GLDN: variants seen among roughly 807,000 people sequenced by gnomAD.
The protein encoded by GLDN is collomin.
GLDN carries 47 observed loss-of-function variants against 56.5 expected under a neutral mutation model. That is an observed-to-expected ratio of 0.83 (90% CI 0.66 to 1.06). The LOEUF (loss-of-function observed/expected upper bound fraction) is 1.06, where lower values mean the gene tolerates loss of function less well. Ranked by LOEUF, GLDN falls within the 50% of genes least tolerant of loss-of-function variation. The pLI, the probability that GLDN is intolerant of heterozygous loss-of-function variation, is 0.00. For missense variants in GLDN, 782 were observed against 714.3 expected (o/e 1.09, Z -1.08); for synonymous variants, 332 against 278.8 (o/e 1.19, Z -1.90).
At chr15:51,391,505 T>C (rs1365448508) in intron 4 of GLDN, among the ~76,000 whole-genome samples, 1 of 152,220 alleles carries the variant, frequency 6.6e-6, no homozygotes, top group Non-Finnish European at 1.5e-5. Context: ...CAGGCTGGAC[T>C]CTATGGCAAT....
intron 9 of GLDN, among the ~76,000 whole-genome samples, chr15:51,402,602 A>C (rs1368374700): frequency 6.6e-6 from 1 of 152,220 alleles, no homozygotes; most frequent in Non-Finnish European, 1.5e-5. Flanking sequence ...TGAATGCCAC[A>C]GTCCTACTCA....
intron 1 of GLDN, among the ~76,000 whole-genome samples, chr15:51,344,092 A>G (rs1350246572): frequency 6.6e-6 from 1 of 152,168 alleles, no homozygotes; most frequent in Non-Finnish European, 1.5e-5. Flanking sequence ...CGTTTCTACC[A>G]AGCTCCCACT....
At chr15:51,381,765 AGG>A in intron 2 of GLDN, among the ~76,000 whole-genome samples, 1 of 140,418 alleles carries the variant, frequency 7.1e-6, no homozygotes, top group East Asian at 2.1e-4. Context: ...AAGATCCCCT[AGG>A]GTTTTTTTTT....
rs1484300815 is a variant in GLDN, at chr15:51,406,449, C to T, written c.*1695C>T. The T allele has an allele frequency of 6.6e-6, 1 of 152,114 alleles. No homozygotes were observed. The highest frequency in any genetic ancestry group is 1.9e-4 in the East Asian group (1 of 5,192). 9.4% of individuals were successfully genotyped at this position (152,114 alleles called of 1,614,324 possible). ...ATTTGTGTGTATTCTGAAACTTTCT[C>T]TTTGGGACCAAATTCATTCTCAATG... is the stretch of plus-strand genomic sequence containing the variant. On this transcript the variant is annotated 3_prime_UTR_variant, in exon 10 of 10. Coordinates refer to ENST00000335449, the MANE Select transcript of GLDN (RefSeq NM_181789.4).
At chr15:51,396,287 A>G (rs1395578476) in intron 5 of GLDN, among the ~76,000 whole-genome samples, 4 of 152,230 alleles carry the variant, frequency 2.6e-5, no homozygotes, top group Non-Finnish European at 5.9e-5. Flanking sequence ...CCTAGCTCTG[A>G]GCAGACATTC....
intron 2 of GLDN, among the ~76,000 whole-genome samples, chr15:51,383,154 A>C (rs1427473448): frequency 2.0e-5 from 3 of 152,200 alleles, no homozygotes; most frequent in African/African-American, 7.2e-5. Flanking sequence ...TCCGTTTATT[A>C]GGTTGACTGC....
chr15:51,373,727 C>G lies in GLDN; in HGVS notation c.364-3722C>G, dbSNP rs565210416. On this transcript the variant is annotated intron_variant, in intron 1 of 9. Coordinates refer to ENST00000335449, the MANE Select transcript of GLDN (RefSeq NM_181789.4). Reference sequence around the variant, plus strand: ...GTGATGGGCAGGGAGGGGGAGAGCACTGGGAGATGCCCTACAAGGTGCGGG... The same window carrying G: ...GTGATGGGCAGGGAGGGGGAGAGCAGTGGGAGATGCCCTACAAGGTGCGGG... 2.5e-4 allele frequency among the ~76,000 whole-genome samples: 38 copies of G among 152,302 alleles called. 1 individual carries two copies. In the South Asian group the frequency reaches 7.9e-3, roughly 32 times the overall value.
Position 51,377,517 on chromosome 15 carries a change from G to A in GLDN, c.415+17G>A, listed in dbSNP as rs1192830559. On this transcript the variant is annotated intron_variant, in intron 2 of 9. Coordinates refer to ENST00000335449, the MANE Select transcript of GLDN (RefSeq NM_181789.4). Reference sequence around the variant, plus strand: ...GCCTCACAGGTAGGCTGGCCGCTGAGCAGAGCCGCTCACACAACAAGGACT... The same window carrying A: ...GCCTCACAGGTAGGCTGGCCGCTGAACAGAGCCGCTCACACAACAAGGACT... The A allele has an allele frequency of 1.2e-6, 2 of 1,611,218 alleles. No individual in the cohort carries two copies. Among genetic ancestry groups the A allele is most frequent in the East Asian group, 4.5e-5 (2 of 44,886 alleles).
chr15:51,370,148 G>T (rs925819002), intron 1 of GLDN, among the ~76,000 whole-genome samples: 2 of 152,006 alleles, frequency 1.3e-5, no homozygotes, highest in African/African-American at 4.8e-5. Flanking sequence ...TAGATGAAGG[G>T]GAAATAGTCT....
chr15:51,352,267 T>G (rs745317853), intron 1 of GLDN, among the ~76,000 whole-genome samples: 5 of 152,182 alleles, frequency 3.3e-5, no homozygotes, highest in Non-Finnish European at 7.3e-5. Flanking sequence ...TAATCATTTT[T>G]ATGATTTTAT....
In GLDN at chr15:51,401,610, T is replaced by C. The variant is rs775839953; in HGVS notation, c.1045T>C (p.Phe349Leu). ...TCCTACAGGCATCATGGTTAAGGAA[T>C]TCAAGGATCAGCCCTCACTTCTGAA... Reference protein sequence around the residue: ...EHFSGIMVKEFKDQPSLLNGS... With the variant: ...EHFSGIMVKELKDQPSLLNGS... The change falls in exon 9 of 10, where the codon TTC becomes CTC. Residue 349 changes from phenylalanine to leucine, a missense_variant. Transcript: ENST00000335449. 7 of 1,613,778 alleles carry C rather than the reference T, an allele frequency of 4.3e-6. No homozygotes were observed. The highest frequency in any genetic ancestry group is 5.9e-6 in the Non-Finnish European group (7 of 1,179,842).
chr15:51,354,422 C>G lies in GLDN; in HGVS notation c.363+12375C>G, dbSNP rs567739595. On this transcript the variant is annotated intron_variant, in intron 1 of 9. Transcript: ENST00000335449. ...GGGGACCTTGGAATCAGTCTCTAAACAGGAAGACCTTTAGAGGAAAATCCT... is the reference window on the plus strand; with the variant it reads ...GGGGACCTTGGAATCAGTCTCTAAAGAGGAAGACCTTTAGAGGAAAATCCT... 3.3e-5 allele frequency among the ~76,000 whole-genome samples: 5 copies of G among 152,244 alleles called. No homozygotes were observed. The East Asian group carries it at 9.6e-4, about 29-fold the overall frequency.
In GLDN at chr15:51,400,276, G is replaced by T. The variant is rs759354154; in HGVS notation, c.901+1G>T. The T allele has an allele frequency of 6.2e-7, 1 of 1,614,188 alleles. No individual in the cohort carries two copies. Among genetic ancestry groups the T allele is most frequent in the Non-Finnish European group, 8.5e-7 (1 of 1,180,006 alleles). On this transcript the variant is annotated splice_donor_variant, in intron 7 of 9. Transcript: ENST00000335449. LOFTEE classifies it high-confidence loss of function. ...AGTGAACACCATTCCCCACAAGCAG[G>T]TATAGAAACAAAGCGTCCTGTCTTG...
At chr15:51,382,133 C>T (rs2037776327) in intron 2 of GLDN, among the ~76,000 whole-genome samples, 1 of 152,168 alleles carries the variant, frequency 6.6e-6, no homozygotes, top group Non-Finnish European at 1.5e-5. Flanking sequence ...GAATGCCAGA[C>T]CTCATCTGCT....
At chr15:51,377,583 C>T in intron 2 of GLDN, 83 bp downstream of exon 2, 1 of 961,218 alleles carries the variant, frequency 1.0e-6, no homozygotes, top group Non-Finnish European at 1.6e-6. Context: ...CGCCTAGGGA[C>T]ACTTTGTTAT....
At chr15:51,354,852 A>G (rs1272092865) in intron 1 of GLDN, among the ~76,000 whole-genome samples, 5 of 152,350 alleles carry the variant, frequency 3.3e-5, no homozygotes, top group African/African-American at 9.6e-5. Flanking sequence ...TGTTGGTGCA[A>G]TGCAGGAAAG....
chr15:51,341,909 G>A lies in GLDN; in HGVS notation c.225G>A (p.Ala75=), dbSNP rs1318924655. 8 of 1,592,634 alleles carry A rather than the reference G, an allele frequency of 5.0e-6. No homozygotes were observed. The highest frequency in any genetic ancestry group is 6.8e-6 in the Non-Finnish European group (8 of 1,177,260). ...CCTTCCTGGCCGAGTTGAGCCGCGCGCCGCGCGGGGCGTCCGCACCACCCC... is the reference window on the plus strand; with the variant it reads ...CCTTCCTGGCCGAGTTGAGCCGCGCACCGCGCGGGGCGTCCGCACCACCCC... ...LRSFLAELSR[A]PRGASAPPQD... Residue 75 remains alanine, a synonymous_variant, in exon 1 of 10, where the codon GCG becomes GCA. Transcript: ENST00000335449.
At position 51,397,495 on chromosome 15, in the gene GLDN, C is replaced by A. The variant is rs553016727; in HGVS notation, c.714C>A (p.Pro238=). ...GTGCCAAAGGTGACCAAGGCCCACCCGGTCCACCTGGGCCCCCAGGCCCTC... is the reference window on the plus strand; with the variant it reads ...GTGCCAAAGGTGACCAAGGCCCACCAGGTCCACCTGGGCCCCCAGGCCCTC... The part of the protein sequence containing the change: ...LAGAKGDQGP[P]GPPGPPGPPG... Residue 238 remains proline (P), a synonymous_variant, in exon 6 of 10, where the codon CCC becomes CCA. Coordinates refer to ENST00000335449, the MANE Select transcript of GLDN (RefSeq NM_181789.4). 3.2e-6 allele frequency: 5 copies of A among 1,563,536 alleles called. No individual in the cohort carries two copies. In the Admixed American group the frequency reaches 7.3e-5, roughly 23 times the overall value.
chr15:51,357,765 A>G lies in GLDN; in HGVS notation c.363+15718A>G, dbSNP rs543500810. On this transcript the variant is annotated intron_variant, in intron 1 of 9. Transcript: ENST00000335449. ...ATGCATTCCATGCCTCCTGGTTCTA[A>G]TGTCCTCAGATAAGACTTTCTTGAG... is the stretch of plus-strand genomic sequence containing the variant. Among the ~76,000 whole-genome samples the G allele has an allele frequency of 7.2e-5, 11 of 152,312 alleles. No homozygotes were observed. The East Asian group carries it at 1.9e-3, about 27-fold the overall frequency.
Sources: allele counts gnomAD v4.1 joint callset (sites outside exome capture counted in the v4.1 genomes callset), GRCh38; gene constraint gnomAD v4.1.1; transcripts MANE v1.5; gene names NCBI Gene and HGNC (gene_info 2026-07-23, HGNC 2026-07-21).